The following PTBP1 variants were observed in gnomAD, a reference collection of about 807,000 sequenced individuals.
PTBP1 encodes polypyrimidine tract binding protein 1, also known as polypyrimidine tract-binding protein 1.
In PTBP1, 8 loss-of-function variants were observed where a neutral mutation model predicts 59.8. The observed-to-expected ratio is 0.13, with a 90% CI of 0.08 to 0.24. PTBP1 has a LOEUF of 0.24. Ranked by LOEUF, PTBP1 falls within the 10% of genes least tolerant of loss-of-function variation. The probability of loss-of-function intolerance (pLI) is 1.00; values close to 1 mark genes in which losing one functional copy is unlikely to be tolerated. For missense variants in PTBP1, 686 were observed against 767.0 expected, an observed-to-expected ratio of 0.89 and a Z score of 1.25; for synonymous variants, 490 against 320.7, an observed-to-expected ratio of 1.53 and a Z score of -5.64.
At chr19:802,181 C>G (rs932396723) in intron 2 of PTBP1, among the ~76,000 whole-genome samples, 1 of 152,212 alleles carries the variant, frequency 6.6e-6, no homozygotes, top group Non-Finnish European at 1.5e-5. Flanking sequence ...TGTTCCCCAT[C>G]CTCCTTGAGC....
In PTBP1 at chr19:804,722, G is replaced by T. The variant is rs367936523; in HGVS notation, c.606+20G>T. ...CACCAGGTGAGGTGGTCCCATCACC[G>T]CCAGGGCAGGTCGGCTGCTATTGCT... On this transcript the variant is annotated intron_variant, in intron 6 of 14. Transcript: ENST00000356948. The T allele has an allele frequency of 1.2e-6, 2 of 1,609,796 alleles. No homozygotes were observed. Among genetic ancestry groups the T allele is most frequent in the African/African-American group, 1.3e-5 (1 of 74,866 alleles).
At chr19:807,787 CGT>C (rs1478440815) in intron 10 of PTBP1, 80 bp from the exon 11 acceptor site, 2 of 1,066,788 alleles carry the variant, frequency 1.9e-6, no homozygotes, top group African/African-American at 1.6e-5. Context: ...CTGTCTTCCT[CGT>C]GTGGACGATT....
At chr19:806,684 C>T (rs1378680539) in intron 10 of PTBP1, 128 bp downstream of exon 10, 8 of 866,964 alleles carry the variant, frequency 9.2e-6, no homozygotes, top group South Asian at 4.6e-5. Flanking sequence ...GGCAGCCCCT[C>T]TGCTGCAGCG....
intron 1 of PTBP1, among the ~76,000 whole-genome samples, chr19:797,933 A>AGCGCGCGTGCGCGGCCGCCATCGGGGGC (rs1568260144): frequency 6.8e-5 from 10 of 147,048 alleles, no homozygotes; most frequent in African/African-American, 2.2e-4. Context: ...CGTTGGCCCC[A>AGCGCGCGTGCGCGGCCGCCATCGGGGGC]GCGCGCGTGC....
At chr19:805,708 C>T (rs1270552726) in intron 9 of PTBP1, 139 bp downstream of exon 9, 3 of 743,376 alleles carry the variant, frequency 4.0e-6, no homozygotes, top group East Asian at 5.0e-5. Flanking sequence ...GGAGAGGGGA[C>T]GCCACGTCCA....
Position 808,112 on chromosome 19 carries a change from C to T in PTBP1, c.1153+210C>T. 1 of 634,434 alleles carries T rather than the reference C, an allele frequency of 1.6e-6. No individual in the cohort carries two copies. Among genetic ancestry groups the T allele is most frequent in the Non-Finnish European group, 2.8e-6 (1 of 355,656 alleles). 39.3% of individuals were successfully genotyped at this position (634,434 alleles called of 1,614,324 possible). A position where few individuals can be genotyped will look rare whatever the true frequency, so the allele number is the denominator to read the frequency against. On this transcript the variant is annotated intron_variant, in intron 11 of 14. Transcript: ENST00000356948. This position sits in a 1 kb window ranked among gnomAD's most constrained non-coding sequence, Gnocchi z 4.7. Reference sequence around the variant, plus strand: ...CCCTGCATGCTTTTCAGAGTTAGACCTGTCGGTGGCATATGCCACCGTGGC... The same window carrying T: ...CCCTGCATGCTTTTCAGAGTTAGACTTGTCGGTGGCATATGCCACCGTGGC...
chr19:808,161 C>T lies in PTBP1; in HGVS notation c.1154-199C>T, dbSNP rs563570522. ...GCCACCCGCTGGCAGCTTACCTGTC[C>T]TGGATGCTATGACTTTGCTGAACGG... On this transcript the variant is annotated intron_variant, in intron 11 of 14. Coordinates refer to ENST00000356948, the MANE Select transcript of PTBP1 (RefSeq NM_002819.5). The surrounding 1 kb of genome is among the most constrained non-coding windows in gnomAD (Gnocchi z 4.7). 3.8e-5 allele frequency: 24 copies of T among 639,140 alleles called. No individual in the cohort carries two copies. Among genetic ancestry groups the T allele is most frequent in the Admixed American group, 2.2e-4 (8 of 35,934 alleles). 39.6% of individuals were successfully genotyped at this position (639,140 alleles called of 1,614,324 possible). A position where few individuals can be genotyped will look rare whatever the true frequency, so the allele number is the denominator to read the frequency against.
intron 1 of PTBP1, 47 bp from the exon 2 acceptor site, chr19:799,366 C>T: frequency 2.5e-6 from 4 of 1,591,552 alleles, no homozygotes; most frequent in Non-Finnish European, 3.4e-6. Flanking sequence ...GCTCCTGCTG[C>T]TGAGTGGCCA....
At chr19:805,392 C>G in intron 8 of PTBP1, 100 bp from the exon 9 acceptor site, 3 of 1,307,532 alleles carry the variant, frequency 2.3e-6, no homozygotes, top group South Asian at 1.3e-5. Flanking sequence ...AAGGCTCTGC[C>G]GGGGCCGCCC....
Position 808,004 on chromosome 19 carries a change from C to A in PTBP1, c.1153+102C>A. The A allele has an allele frequency of 9.6e-7, 1 of 1,046,468 alleles. No homozygotes were observed. Among genetic ancestry groups the A allele is most frequent in the Non-Finnish European group, 1.5e-6 (1 of 668,598 alleles). The allele number at this position is 1,046,468 out of a possible 1,614,324, so 64.8% of individuals were successfully genotyped here. A position where few individuals can be genotyped will look rare whatever the true frequency, so the allele number is the denominator to read the frequency against. ...GTTTGCGGTTTGGCACTCTGATGCT[C>A]CGTGGCATCCGCCTCGTTTTATGGT... On this transcript the variant is annotated intron_variant, in intron 11 of 14. Coordinates refer to ENST00000356948, the MANE Select transcript of PTBP1 (RefSeq NM_002819.5). The surrounding 1 kb of genome is among the most constrained non-coding windows in gnomAD (Gnocchi z 4.7).
At chr19:810,489 C>T (rs1014071685) in intron 13 of PTBP1, 54 bp from the exon 14 acceptor site, 1 of 1,522,208 alleles carries the variant, frequency 6.6e-7, no homozygotes, top group Non-Finnish European at 9.0e-7. Flanking sequence ...GCGGACCTGA[C>T]TGGGCGCCCC....
rs2034852944 is a variant in PTBP1 at position 811,250 on chromosome 19, G to A, written c.*424G>A. 6.5e-6 allele frequency: 1 copy of A among 154,410 alleles called. No homozygotes were observed. Among genetic ancestry groups the A allele is most frequent in the South Asian group, 2.0e-4 (1 of 4,974 alleles). 9.6% of individuals were successfully genotyped at this position (154,410 alleles called of 1,614,324 possible). A position where few individuals can be genotyped will look rare whatever the true frequency, so the allele number is the denominator to read the frequency against. Reference sequence around the variant, plus strand: ...GGGGTCACACCAGAGAGAGGCAGGGGGCCTGGCCGGCTCCTGCAGGATCAT... The same window carrying A: ...GGGGTCACACCAGAGAGAGGCAGGGAGCCTGGCCGGCTCCTGCAGGATCAT... On this transcript the variant is annotated 3_prime_UTR_variant, in exon 15 of 15. Coordinates refer to ENST00000356948, the MANE Select transcript of PTBP1 (RefSeq NM_002819.5).
At chr19:797,787 C>T (rs1220563745) in intron 1 of PTBP1, among the ~76,000 whole-genome samples, 2 of 148,502 alleles carry the variant, frequency 1.3e-5, no homozygotes, top group African/African-American at 2.4e-5. Context: ...CCGCGCGCGT[C>T]CCCGCACTTC....
At chr19:803,693 G>T in intron 3 of PTBP1, 57 bp downstream of exon 3, 1 of 1,462,654 alleles carries the variant, frequency 6.8e-7, no homozygotes, top group Non-Finnish European at 9.6e-7. Context: ...CTGGAACAAC[G>T]TTACGTTCTT....
chr19:804,975 C>A (rs370625711), intron 7 of PTBP1, 36 bp downstream of exon 7: 3 of 1,612,316 alleles, frequency 1.9e-6, no homozygotes, highest in Middle Eastern at 1.7e-4. Flanking sequence ...CCGCCCTGGC[C>A]CTGGCCCGGC....
chr19:802,191 C>G (rs914892818), intron 2 of PTBP1, among the ~76,000 whole-genome samples: 5 of 152,208 alleles, frequency 3.3e-5, no homozygotes, highest in Non-Finnish European at 7.3e-5. Flanking sequence ...CCTCCTTGAG[C>G]AGGTGCCGGA....
chr19:807,896 C>T lies in PTBP1; in HGVS notation c.1147C>T (p.Leu383Phe). ...AGTCACACCCCAAAGCCTCTTTATTCTTTTCGGTATGTTATCGTTCACACT... is the reference window on the plus strand; with the variant it reads ...AGTCACACCCCAAAGCCTCTTTATTTTTTTCGGTATGTTATCGTTCACACT... Reference protein sequence around the residue: ...ERVTPQSLFILFGVYGDVQRV... With the variant: ...ERVTPQSLFIFFGVYGDVQRV... The change falls in exon 11 of 15, where the codon CTT becomes TTT. Residue 383 changes from leucine (L) to phenylalanine (F), a missense_variant. Leu to Phe is a conservative substitution (Grantham distance 22). Coordinates refer to ENST00000356948, the MANE Select transcript of PTBP1 (RefSeq NM_002819.5). 1.2e-6 allele frequency: 2 copies of T among 1,612,934 alleles called. No homozygotes were observed. Among genetic ancestry groups the T allele is most frequent in the Non-Finnish European group, 8.5e-7 (1 of 1,178,954 alleles).
In PTBP1 at chr19:807,861, C is replaced by A. The variant is rs750159061; in HGVS notation, c.1120-8C>A. The A allele has an allele frequency of 6.2e-6, 10 of 1,613,346 alleles. No individual in the cohort carries two copies. On this transcript the variant is annotated splice_region_variant and splice_polypyrimidine_tract_variant and intron_variant, in intron 10 of 14. Coordinates refer to ENST00000356948, the MANE Select transcript of PTBP1 (RefSeq NM_002819.5). ...TCCCTCCGCTGCCTTGCTCTGCTGT[C>A]TCTAAAGAGAGTCACACCCCAAAGC...
At chr19:806,672 C>G (rs933550803) in intron 10 of PTBP1, 116 bp downstream of exon 10, 33 of 1,027,990 alleles carry the variant, frequency 3.2e-5, no homozygotes, top group Non-Finnish European at 4.0e-5. Context: ...CGCCTCTGCC[C>G]TGGCAGCCCC....
Sources: gnomAD v4.1 joint callset for allele counts (sites outside exome capture counted in the v4.1 genomes callset) on GRCh38, gnomAD v4.1.1 for gene constraint, Gnocchi (gnomAD v3.1) non-coding constraint, MANE v1.5 for transcripts, NCBI Gene and HGNC (gene_info 2026-07-23, HGNC 2026-07-21) for gene names.